The following GPHN variants were observed in gnomAD, a reference collection of about 807,000 sequenced individuals.
GPHN encodes gephyrin.
Under a neutral mutation model 95.5 loss-of-function variants are expected in GPHN, and 17 were observed. The observed-to-expected ratio is 0.18, with a 90% confidence interval of 0.12 to 0.27. The LOEUF (loss-of-function observed/expected upper bound fraction) is 0.27. Among genes scored for constraint, GPHN ranks in the 10% least tolerant of loss-of-function variants. The probability of loss-of-function intolerance (pLI) is 1.00; values close to 1 mark genes in which losing one functional copy is unlikely to be tolerated. For synonymous variants in GPHN, 320 were observed against 322.5 expected (o/e 0.99, Z 0.08); for missense variants, 660 against 978.1 (o/e 0.67, Z 4.34).
At chr14:67,291,284 A>G in the GPHN span, among the ~76,000 whole-genome samples, 1 of 151,050 alleles carries the variant, frequency 6.6e-6, no homozygotes, top group Non-Finnish European at 1.5e-5. Flanking sequence ...GCTAGAATGC[A>G]ATGGTGTGAT....
At chr14:67,417,556 T>C in the GPHN span, among the ~76,000 whole-genome samples, 1 of 150,146 alleles carries the variant, frequency 6.7e-6, no homozygotes, top group African/African-American at 2.5e-5. Flanking sequence ...CTCAGCCTCC[T>C]GAGTAGCTGA....
chr14:67,164,989 A>G lies in GPHN; in HGVS notation c.1911-173A>G, dbSNP rs189110682. On this transcript the variant is annotated intron_variant, in intron 19 of 22. Coordinates refer to ENST00000478722, the MANE Select transcript of GPHN (RefSeq NM_020806.5). ...TACTTGAAAACAGGAAATACTAAAA[A>G]CAAACTTATTTAAGTGTCTGTGGAA... Among the ~76,000 whole-genome samples, 733 of 152,280 alleles carry G rather than the reference A, an allele frequency of 4.8e-3. 11 individuals carry two copies. Among genetic ancestry groups the G allele is most frequent in the African/African-American group, 0.017 (705 of 41,574 alleles).
intron 1 of GPHN, among the ~76,000 whole-genome samples, chr14:66,537,468 T>C (rs1206335976): frequency 6.6e-6 from 1 of 152,178 alleles, no homozygotes; most frequent in Admixed American, 6.5e-5. Flanking sequence ...ATCTTAATGT[T>C]TTACCACTTC....
At chr14:66,999,285 A>T (rs1289715682) in intron 9 of GPHN, among the ~76,000 whole-genome samples, 2 of 151,898 alleles carry the variant, frequency 1.3e-5, no homozygotes, top group African/African-American at 4.8e-5. Flanking sequence ...TTTAATTAAT[A>T]CAAAACGTTA....
chr14:66,563,006 A>G (rs974616220), intron 1 of GPHN, among the ~76,000 whole-genome samples: 2 of 152,092 alleles, frequency 1.3e-5, no homozygotes, highest in African/African-American at 4.8e-5. Context: ...ATATATTCAC[A>G]GGTTCTAGAG....
At chr14:67,350,538 A>G in the GPHN span, 1 of 1,326,062 alleles carries the variant, frequency 7.5e-7, no homozygotes, top group Non-Finnish European at 1.1e-6. Context: ...AAATTAAAAA[A>G]TGCTTTTTAA....
chr14:67,481,763 T>C, the GPHN span, among the ~76,000 whole-genome samples: 1 of 152,148 alleles, frequency 6.6e-6, no homozygotes, highest in Admixed American at 6.5e-5. Context: ...CGACTCCCTA[T>C]ATCCTTAGGC....
chr14:66,804,012 T>G (rs2060455117), intron 3 of GPHN, among the ~76,000 whole-genome samples: 1 of 152,158 alleles, frequency 6.6e-6, no homozygotes, highest in African/African-American at 2.4e-5. Flanking sequence ...GGGGTTTTTT[T>G]TGTTCTGTTT....
the GPHN span, among the ~76,000 whole-genome samples, chr14:67,336,889 G>C: frequency 6.6e-6 from 1 of 152,330 alleles, no homozygotes; most frequent in South Asian, 2.1e-4. Flanking sequence ...AGCTTCTCCA[G>C]AACAGTCCCA....
chr14:66,625,034 C>G (rs925820808), intron 1 of GPHN, among the ~76,000 whole-genome samples: 2 of 152,140 alleles, frequency 1.3e-5, no homozygotes, highest in Non-Finnish European at 2.9e-5. Flanking sequence ...AGCTGCTGGT[C>G]AAGCCTGCAC....
At position 67,035,685 on chromosome 14, in the gene GPHN, A is replaced by T. The variant is rs75514988; in HGVS notation, c.1006+12010A>T. Among the ~76,000 whole-genome samples the T allele has an allele frequency of 1.3e-3, 203 of 152,042 alleles. 6 individuals carry two copies. The East Asian group carries it at 0.035, about 26-fold the overall frequency. ...GTTCAGTCACAGTCTTGGTGACTGA[A>T]TTATGGAGAAATAGAAAATCTAAAC... On this transcript the variant is annotated intron_variant, in intron 10 of 22. Coordinates refer to ENST00000478722, the MANE Select transcript of GPHN (RefSeq NM_020806.5).
the GPHN span, among the ~76,000 whole-genome samples, chr14:67,290,164 A>G: frequency 2.6e-5 from 4 of 152,140 alleles, no homozygotes; most frequent in Non-Finnish European, 5.9e-5. Context: ...ATTTTAGTCA[A>G]AATCTCAATA....
At chr14:67,641,264 T>C in the GPHN span, among the ~76,000 whole-genome samples, 1 of 152,178 alleles carries the variant, frequency 6.6e-6, no homozygotes, top group South Asian at 2.1e-4. Flanking sequence ...TAGACTTGAG[T>C]TCCATCCCTA....
At chr14:67,128,460 A>G (rs2079478683) in intron 17 of GPHN, among the ~76,000 whole-genome samples, 1 of 152,202 alleles carries the variant, frequency 6.6e-6, no homozygotes. Flanking sequence ...TTTTATTTGA[A>G]AAAAGCAAGT....
intron 1 of GPHN, among the ~76,000 whole-genome samples, chr14:66,603,563 T>C (rs951110267): frequency 6.6e-6 from 1 of 152,010 alleles, no homozygotes; most frequent in Non-Finnish European, 1.5e-5. Context: ...TGAACTGTTA[T>C]GCTAAGTATT....
At chr14:67,330,886 T>C in the GPHN span, among the ~76,000 whole-genome samples, 2 of 152,210 alleles carry the variant, frequency 1.3e-5, no homozygotes, top group Non-Finnish European at 2.9e-5. Context: ...AAGATGTCAG[T>C]CTTTTCAAAT....
the GPHN span, among the ~76,000 whole-genome samples, chr14:67,676,041 G>A: frequency 6.6e-6 from 1 of 152,272 alleles, no homozygotes; most frequent in East Asian, 1.9e-4. Context: ...TGGTTGCAGT[G>A]AGCTGAGATC....
At chr14:66,666,446 G>C (rs1490005468) in intron 1 of GPHN, among the ~76,000 whole-genome samples, 1 of 151,340 alleles carries the variant, frequency 6.6e-6, no homozygotes, top group Non-Finnish European at 1.5e-5. Context: ...AGTTAAATAG[G>C]CTTTATCCCT....
At chr14:66,939,093 G>A (rs1785378062) in intron 8 of GPHN, among the ~76,000 whole-genome samples, 1 of 152,140 alleles carries the variant, frequency 6.6e-6, no homozygotes, top group African/African-American at 2.4e-5. Flanking sequence ...AACTCTTGGA[G>A]TCAAAACTTT....
Sources: gnomAD v4.1 joint callset for allele counts (sites outside exome capture counted in the v4.1 genomes callset) on GRCh38, gnomAD v4.1.1 for gene constraint, MANE v1.5 for transcripts, NCBI Gene and HGNC (gene_info 2026-07-23, HGNC 2026-07-21) for gene names.